MAGI1: variants seen among roughly 807,000 people sequenced by gnomAD.
MAGI1 encodes the protein membrane-associated guanylate kinase, WW and PDZ domain-containing protein 1.
Under a neutral mutation model 139.9 loss-of-function variants are expected in MAGI1, and 58 were observed. That is an observed-to-expected ratio of 0.41 (90% CI 0.34 to 0.52). The LOEUF is 0.52. Ranked by LOEUF, MAGI1 falls within the 20% of genes least tolerant of loss-of-function variation. MAGI1 has a pLI of 0.12. For missense variants in MAGI1, 1,874 were observed against 1,901.6 expected, an observed-to-expected ratio of 0.99 and a Z score of 0.27; for synonymous variants, 812 against 737.9, an observed-to-expected ratio of 1.10 and a Z score of -1.63.
chr3:65,478,479 G>T (rs1480601741), intron 4 of MAGI1, 113 bp downstream of exon 4: 3 of 977,390 alleles, frequency 3.1e-6, no homozygotes, highest in Non-Finnish European at 4.8e-6. Flanking sequence ...TTTGAATTTT[G>T]GCGACTCTAC....
At chr3:65,940,478 G>C (rs190568059) in intron 1 of MAGI1, among the ~76,000 whole-genome samples, 19 of 152,178 alleles carry the variant, frequency 1.2e-4, no homozygotes, top group Admixed American at 1.2e-3. Context: ...AAGAAAGTGA[G>C]AAAGCTCTCT....
At chr3:65,745,953 C>T (rs2035674451) in intron 1 of MAGI1, among the ~76,000 whole-genome samples, 1 of 152,196 alleles carries the variant, frequency 6.6e-6, no homozygotes, top group Admixed American at 6.5e-5. Flanking sequence ...TGGTCTCGAA[C>T]TCCTGGCCTA....
chr3:65,701,646 G>C (rs2089617130), intron 1 of MAGI1, among the ~76,000 whole-genome samples: 1 of 151,972 alleles, frequency 6.6e-6, no homozygotes, highest in African/African-American at 2.4e-5. Context: ...CCAAATAAAG[G>C]CACTTTTATT....
At chr3:66,013,919 C>G (rs2067483582) in intron 1 of MAGI1, among the ~76,000 whole-genome samples, 1 of 152,116 alleles carries the variant, frequency 6.6e-6, no homozygotes. Flanking sequence ...ACTCATACAC[C>G]TGACGAAAAG....
chr3:65,769,079 T>TA (rs1019866224), intron 1 of MAGI1, among the ~76,000 whole-genome samples: 8 of 152,190 alleles, frequency 5.3e-5, no homozygotes, highest in South Asian at 2.1e-4. Context: ...AATGCCTTTT[T>TA]AAAAAAATTG....
At chr3:65,583,197 T>C (rs1361544113) in intron 2 of MAGI1, among the ~76,000 whole-genome samples, 1 of 152,180 alleles carries the variant, frequency 6.6e-6, no homozygotes, top group Admixed American at 6.5e-5. Context: ...ACCACTGACC[T>C]GGACAGTGTG....
Position 65,439,980 on chromosome 3 carries a change from G to A in MAGI1, c.1169C>T (p.Pro390Leu), listed in dbSNP as rs1481145301. Residue 390 changes from proline to leucine, a missense_variant, in exon 9 of 23, where the codon CCG becomes CTG. By Grantham distance (98) the Pro-to-Leu change is moderately conservative. Transcript: ENST00000402939. ...CTTCTTCCGTTTGGCTTCTAGAACCGGGTTCTCATATTGTGTCTTCCTGTT... is the reference window on the plus strand; with the variant it reads ...CTTCTTCCGTTTGGCTTCTAGAACCAGGTTCTCATATTGTGTCTTCCTGTT... ...HINRKTQYEN[P>L]VLEAKRKKQL... 1.2e-6 allele frequency: 2 copies of A among 1,613,868 alleles called. No homozygotes were observed. Among genetic ancestry groups the A allele is most frequent in the Non-Finnish European group, 1.7e-6 (2 of 1,179,978 alleles).
At chr3:65,925,879 T>C (rs1200497709) in intron 1 of MAGI1, among the ~76,000 whole-genome samples, 1 of 152,142 alleles carries the variant, frequency 6.6e-6, no homozygotes, top group Non-Finnish European at 1.5e-5. Flanking sequence ...AGTTTCACCA[T>C]ATTGCCCAGG....
chr3:65,455,463 C>A (rs954293220), intron 5 of MAGI1, among the ~76,000 whole-genome samples: 2 of 152,154 alleles, frequency 1.3e-5, no homozygotes, highest in African/African-American at 2.4e-5. Flanking sequence ...GTAACTCCAG[C>A]ACTTTGGAAT....
At chr3:65,623,331 A>C (rs747696470) in intron 1 of MAGI1, among the ~76,000 whole-genome samples, 13 of 152,304 alleles carry the variant, frequency 8.5e-5, no homozygotes, top group Admixed American at 5.9e-4. Context: ...CTCTACACTT[A>C]AGAGAACAAA....
At chr3:65,837,053 G>A (rs1209624306) in intron 1 of MAGI1, among the ~76,000 whole-genome samples, 1 of 152,044 alleles carries the variant, frequency 6.6e-6, no homozygotes, top group Admixed American at 6.5e-5. Context: ...TTTGGAAGAG[G>A]TTCCTAAGAA....
At chr3:65,879,642 A>G (rs566273343) in intron 1 of MAGI1, among the ~76,000 whole-genome samples, 2 of 152,306 alleles carry the variant, frequency 1.3e-5, no homozygotes, top group South Asian at 4.1e-4. Flanking sequence ...GGGAATAATC[A>G]TGAGTTCTAC....
chr3:65,503,337 T>C (rs2077158150), intron 2 of MAGI1, among the ~76,000 whole-genome samples: 1 of 152,218 alleles, frequency 6.6e-6, no homozygotes, highest in African/African-American at 2.4e-5. Flanking sequence ...TGTGGTAATC[T>C]ACAAATCACT....
chr3:65,859,544 T>C (rs1421040860), intron 1 of MAGI1, among the ~76,000 whole-genome samples: 2 of 151,812 alleles, frequency 1.3e-5, no homozygotes, highest in Admixed American at 6.6e-5. Flanking sequence ...GCCTGGCCAA[T>C]GCAGTGAAAC....
intron 1 of MAGI1, among the ~76,000 whole-genome samples, chr3:65,767,880 C>A (rs1245930123): frequency 6.6e-6 from 1 of 152,200 alleles, no homozygotes; most frequent in Non-Finnish European, 1.5e-5. Context: ...GTAAACCAAG[C>A]CACTTTTTGT....
chr3:65,492,723 A>T (rs996361896), intron 3 of MAGI1, among the ~76,000 whole-genome samples: 8 of 152,200 alleles, frequency 5.3e-5, no homozygotes, highest in African/African-American at 1.7e-4. Context: ...TCAGAAGGTA[A>T]TCAGATTATT....
chr3:65,399,266 T>G (rs1944661392), intron 13 of MAGI1, among the ~76,000 whole-genome samples: 1 of 152,176 alleles, frequency 6.6e-6, no homozygotes, highest in African/African-American at 2.4e-5. Flanking sequence ...GACATCCAGC[T>G]TCCCTGTGAA....
intron 2 of MAGI1, among the ~76,000 whole-genome samples, chr3:65,548,768 C>T (rs1487135921): frequency 3.9e-5 from 6 of 152,040 alleles, no homozygotes; most frequent in Non-Finnish European, 7.4e-5. Flanking sequence ...AGTAATCCAC[C>T]CAACTCGGTC....
At chr3:65,921,918 C>T (rs867819712) in intron 1 of MAGI1, among the ~76,000 whole-genome samples, 4 of 109,016 alleles carry the variant, frequency 3.7e-5, no homozygotes, top group African/African-American at 1.6e-4. Flanking sequence ...ACCACACACA[C>T]GACACACACA....
Sources: gnomAD v4.1 joint callset for allele counts (sites outside exome capture counted in the v4.1 genomes callset) on GRCh38, gnomAD v4.1.1 for gene constraint, MANE v1.5 for transcripts, NCBI Gene and HGNC (gene_info 2026-07-23, HGNC 2026-07-21) for gene names.